RTKN2: variants seen among roughly 807,000 people sequenced by gnomAD.
The protein encoded by RTKN2 is rhotekin 2.
In RTKN2, 69 loss-of-function variants were observed where a neutral mutation model predicts 71.5. The observed-to-expected ratio is 0.96, with a 90% confidence interval of 0.79 to 1.18. RTKN2 has a LOEUF of 1.18. Ranked by LOEUF, RTKN2 falls within the 50% of genes most tolerant of loss-of-function variation. The pLI, the probability that RTKN2 is intolerant of heterozygous loss-of-function variation, is 0.00. For missense variants in RTKN2, 724 were observed against 719.7 expected (o/e 1.01, Z -0.07); for synonymous variants, 236 against 236.5 (o/e 1.00, Z 0.02).
chr10:62,206,837 A>T (rs151296910), intron 9 of RTKN2, among the ~76,000 whole-genome samples: 49 of 152,034 alleles, frequency 3.2e-4, no homozygotes, highest in African/African-American at 1.1e-3. Flanking sequence ...TATGTAACAA[A>T]TTTTGCCCTA....
In RTKN2 at chr10:62,194,261, A is replaced by C; in HGVS notation, c.*3647T>G. The C allele has an allele frequency of 1.0e-6, 1 of 984,940 alleles. No homozygotes were observed. The highest frequency in any genetic ancestry group is 1.2e-6 in the Non-Finnish European group (1 of 829,454). 61.0% of individuals were successfully genotyped at this position (984,940 alleles called of 1,614,324 possible). On this transcript the variant is annotated 3_prime_UTR_variant, in exon 12 of 12. Coordinates refer to ENST00000373789, the MANE Select transcript of RTKN2 (RefSeq NM_145307.4). ...GTAACATCTTTCCCAGAGTTAACTA[A>C]GAACATCTATGATCCAGAATATGCA...
intron 8 of RTKN2, among the ~76,000 whole-genome samples, chr10:62,186,687 G>T (rs776713485): frequency 2.0e-5 from 3 of 152,140 alleles, no homozygotes; most frequent in Admixed American, 6.5e-5. Context: ...ATACAATTCT[G>T]CTGCTAAAAG....
At chr10:62,251,885 T>C (rs1336990289) in intron 2 of RTKN2, among the ~76,000 whole-genome samples, 1 of 151,652 alleles carries the variant, frequency 6.6e-6, no homozygotes, top group Non-Finnish European at 1.5e-5. Context: ...GATAAATATA[T>C]AGAAGCAAAA....
intron 11 of RTKN2, among the ~76,000 whole-genome samples, 198 bp from the exon 12 acceptor site, chr10:62,198,641 T>C (rs1841381085): frequency 6.6e-6 from 1 of 152,026 alleles, no homozygotes; most frequent in Admixed American, 6.6e-5. Context: ...ACATTATATA[T>C]GTAAACATAC....
At position 62,195,626 on chromosome 10, in the gene RTKN2, G is replaced by GT. The variant is rs1841312612; in HGVS notation, c.*2281_*2282insA. On this transcript the variant is annotated 3_prime_UTR_variant, in exon 12 of 12. Coordinates refer to ENST00000373789, the MANE Select transcript of RTKN2 (RefSeq NM_145307.4). ...GGGAATGAAGGAAGGAAGGAAGGAA[G>GT]GAAGGAAGGAAGGAAGGAAGGAAGG... 5.0e-6 allele frequency: 1 copy of GT among 201,742 alleles called. No individual in the cohort carries two copies. The highest frequency in any genetic ancestry group is 7.1e-6 in the Non-Finnish European group (1 of 139,936). 12.5% of individuals were successfully genotyped at this position (201,742 alleles called of 1,614,324 possible). A position where few individuals can be genotyped will look rare whatever the true frequency, so the allele number is the denominator to read the frequency against.
chr10:62,189,164 T>A (rs1841181797), downstream of RTKN2, among the ~76,000 whole-genome samples: 1 of 151,544 alleles, frequency 6.6e-6, no homozygotes, highest in Non-Finnish European at 1.5e-5. Flanking sequence ...TTGGGCTAGA[T>A]AATTATTTGT....
intron 9 of RTKN2, among the ~76,000 whole-genome samples, chr10:62,212,593 C>T (rs999600405): frequency 8.6e-5 from 13 of 151,806 alleles, no homozygotes; most frequent in African/African-American, 2.9e-4. Context: ...GTCCCAGCTA[C>T]TAGGGAGGTT....
At chr10:62,185,562 T>C (rs180799261) in intron 8 of RTKN2, among the ~76,000 whole-genome samples, 3 of 152,074 alleles carry the variant, frequency 2.0e-5, no homozygotes, top group Non-Finnish European at 4.4e-5. Context: ...GTTGCAGTAG[T>C]GAATGGAGAT....
At chr10:62,201,986 G>A (rs1247034934) in intron 10 of RTKN2, among the ~76,000 whole-genome samples, 2 of 152,054 alleles carry the variant, frequency 1.3e-5, no homozygotes, top group African/African-American at 4.8e-5. Flanking sequence ...TACTGTTATA[G>A]TGTTCCCAGT....
At chr10:62,236,334 G>T in intron 5 of RTKN2, 71 bp from the exon 6 acceptor site, 4 of 994,030 alleles carry the variant, frequency 4.0e-6, no homozygotes, top group Non-Finnish European at 4.5e-6. Context: ...ATTCTTTTAT[G>T]TTTATGTAAC....
In RTKN2 at chr10:62,241,132, T is replaced by C; in HGVS notation, c.370+10A>G. 1.4e-6 allele frequency: 2 copies of C among 1,471,600 alleles called. No individual in the cohort carries two copies. Among genetic ancestry groups the C allele is most frequent in the Non-Finnish European group, 1.9e-6 (2 of 1,063,332 alleles). The allele number at this position is 1,471,600 out of a possible 1,614,324, so 91.2% of individuals were successfully genotyped here. A position where few individuals can be genotyped will look rare whatever the true frequency, so the allele number is the denominator to read the frequency against. ...AAAACATTTCAATTACAAATTAAAA[T>C]CATACATACGTTCTTTATTGCTGAA... On this transcript the variant is annotated intron_variant, in intron 4 of 11. Transcript: ENST00000373789.
At chr10:62,231,150 T>C (rs924285454) in intron 6 of RTKN2, among the ~76,000 whole-genome samples, 9 of 152,330 alleles carry the variant, frequency 5.9e-5, no homozygotes, top group Middle Eastern at 3.4e-3. Context: ...AATGTAGTAT[T>C]AGTGGCTTAT....
chr10:62,208,536 A>G (rs1173811786), intron 9 of RTKN2, among the ~76,000 whole-genome samples: 1 of 152,236 alleles, frequency 6.6e-6, no homozygotes, highest in Non-Finnish European at 1.5e-5. Context: ...GGCAATGGAC[A>G]GACACATGAC....
intron 6 of RTKN2, among the ~76,000 whole-genome samples, chr10:62,223,935 G>A (rs939888391): frequency 6.7e-6 from 1 of 149,008 alleles, no homozygotes; most frequent in African/African-American, 2.5e-5. Flanking sequence ...CAGGGATGAA[G>A]GAATCAACAA....
rs142497037 is a variant in RTKN2, at chr10:62,203,021, G to A, written c.1186+1836C>T. On this transcript the variant is annotated intron_variant, in intron 10 of 11. Coordinates refer to ENST00000373789, the MANE Select transcript of RTKN2 (RefSeq NM_145307.4). ...ACTAAAAATACAATATTAGTTGGGC[G>A]TGGTGGCACATGCCTGTAATCCCAG... 2.9e-3 allele frequency among the ~76,000 whole-genome samples: 446 copies of A among 152,180 alleles called. 1 individual carries two copies. The highest frequency in any genetic ancestry group is 0.01 in the African/African-American group (416 of 41,548).
intron 3 of RTKN2, among the ~76,000 whole-genome samples, chr10:62,242,851 G>A (rs907668699): frequency 4.0e-5 from 6 of 151,810 alleles, no homozygotes; most frequent in Non-Finnish European, 8.8e-5. Flanking sequence ...GGTTGGTCTC[G>A]AACTCCTGAC....
At position 62,215,087 on chromosome 10, in the gene RTKN2, A is replaced by G. The variant is rs1841740379; in HGVS notation, c.1020+2031T>C. 2.0e-6 allele frequency: 3 copies of G among 1,499,676 alleles called. No individual in the cohort carries two copies. The African/African-American group carries it at 4.2e-5, about 21-fold the overall frequency. The allele number at this position is 1,499,676 out of a possible 1,614,324, so 92.9% of individuals were successfully genotyped here. A position where few individuals can be genotyped will look rare whatever the true frequency, so the allele number is the denominator to read the frequency against. ...TTCGAGACTGTCTTCAAATAAAACT[A>G]ATGACTTCAAAAATATCATTTGTTT... On this transcript the variant is annotated intron_variant, in intron 9 of 11. Coordinates refer to ENST00000373789, the MANE Select transcript of RTKN2 (RefSeq NM_145307.4).
At chr10:62,230,628 A>C (rs10995091) in intron 6 of RTKN2, among the ~76,000 whole-genome samples, 24,960 of 152,120 alleles carry the variant, frequency 0.16, 2,166 homozygotes, top group African/African-American at 0.19. Context: ...TAAGGTTCAA[A>C]AAAACTGCTC....
chr10:62,198,085 G>C lies in RTKN2; in HGVS notation c.1653C>G (p.His551Gln). 6.2e-7 allele frequency: 1 copy of C among 1,614,092 alleles called. No individual in the cohort carries two copies. The highest frequency in any genetic ancestry group is 1.1e-5 in the South Asian group (1 of 91,076). Residue 551 changes from histidine (H) to glutamine (Q), a missense_variant, in exon 12 of 12, where the codon CAC becomes CAG. Physicochemically the swap from His to Gln is conservative, Grantham distance 24 (BLOSUM62 0). Transcript: ENST00000373789. Reference sequence around the variant, plus strand: ...GAGGAGCAGCCATTGGTTTCTGTAAGTGATGCATTAGAGTTGATAGTTTGG... The same window carrying C: ...GAGGAGCAGCCATTGGTTTCTGTAACTGATGCATTAGAGTTGATAGTTTGG... ...LDTKLSTLMHHLQKPMAAPRK... is the reference protein window; with the variant it reads ...LDTKLSTLMHQLQKPMAAPRK...
Sources: allele counts gnomAD v4.1 joint callset (sites outside exome capture counted in the v4.1 genomes callset), GRCh38; gene constraint gnomAD v4.1.1; transcripts MANE v1.5; gene names NCBI Gene and HGNC (gene_info 2026-07-23, HGNC 2026-07-21).